Variants in PTPRF observed in about 807,000 individuals in gnomAD.
The protein encoded by PTPRF is protein tyrosine phosphatase receptor type F.
In PTPRF, 59 loss-of-function variants were observed where a neutral mutation model predicts 201.8. That is an observed-to-expected ratio of 0.29 (90% CI 0.24 to 0.36). PTPRF has a LOEUF of 0.36. Ranked by LOEUF, PTPRF falls within the 10% of genes least tolerant of loss-of-function variation. The probability of loss-of-function intolerance (pLI) is 1.00; values close to 1 mark genes in which losing one functional copy is unlikely to be tolerated. For missense variants in PTPRF, 2,132 were observed against 2,690.5 expected (o/e 0.79, Z 4.59); for synonymous variants, 1,088 against 1,089.7 (o/e 1.00, Z 0.03).
intron 3 of PTPRF, among the ~76,000 whole-genome samples, chr1:43,550,303 TCTC>T (rs879628097): frequency 1.3e-5 from 2 of 152,114 alleles, no homozygotes; most frequent in Non-Finnish European, 2.9e-5. Flanking sequence ...CACACCTGGC[TCTC>T]CTCCCCGGCG....
chr1:43,579,027 G>C, intron 7 of PTPRF, 107 bp downstream of exon 7: 1 of 990,810 alleles, frequency 1.0e-6, no homozygotes, highest in East Asian at 2.5e-5. Context: ...ACTGCCATGG[G>C]CCCAGTCTCT....
intron 5 of PTPRF, among the ~76,000 whole-genome samples, chr1:43,564,266 G>A (rs1646004183): frequency 6.6e-6 from 1 of 152,158 alleles, no homozygotes; most frequent in African/African-American, 2.4e-5. Flanking sequence ...TCGACTTTTG[G>A]AAGGCGTCTG....
chr1:43,621,341 C>T (rs981706663), intron 33 of PTPRF, 109 bp downstream of exon 33: 126 of 1,428,004 alleles, frequency 8.8e-5, no homozygotes, highest in South Asian at 3.6e-4. Context: ...ATTCATGCTG[C>T]CAACCTTTCA....
At chr1:43,563,067 A>G (rs1270162021) in intron 5 of PTPRF, among the ~76,000 whole-genome samples, 1 of 151,404 alleles carries the variant, frequency 6.6e-6, no homozygotes, top group Non-Finnish European at 1.5e-5. Flanking sequence ...AATCCCAGCT[A>G]CTCTGGAGGC....
chr1:43,550,863 TGAATGGAAGTTA>T (rs1048716597), intron 3 of PTPRF, among the ~76,000 whole-genome samples: 6 of 151,806 alleles, frequency 4.0e-5, no homozygotes, highest in African/African-American at 1.5e-4. Flanking sequence ...AGCAGAAGGA[TGAATGGAAGTTA>T]GAGTGTATGG....
chr1:43,526,177 A>G (rs11576774), upstream of PTPRF, among the ~76,000 whole-genome samples: 51,537 of 151,908 alleles, frequency 0.34, 8,921 homozygotes, highest in East Asian at 0.49. Flanking sequence ...GTAGTGGGAG[A>G]TGAGGGAGTC....
upstream of PTPRF, among the ~76,000 whole-genome samples, chr1:43,527,761 C>T (rs1227440225): frequency 2.0e-5 from 3 of 152,186 alleles, no homozygotes; most frequent in East Asian, 5.8e-4. Context: ...AGCTTCAGGA[C>T]TACCAAGGCC....
intron 5 of PTPRF, among the ~76,000 whole-genome samples, chr1:43,565,896 C>A (rs1444809736): frequency 1.3e-5 from 2 of 152,222 alleles, no homozygotes; most frequent in Non-Finnish European, 2.9e-5. Context: ...CCCGCCGCTC[C>A]ACCGTCGCCA....
intron 21 of PTPRF, 61 bp from the exon 22 acceptor site, chr1:43,609,322 C>A: frequency 7.2e-7 from 1 of 1,383,210 alleles, no homozygotes; most frequent in Non-Finnish European, 1.0e-6. Context: ...CCAGCCATGC[C>A]ATGTGTCACT....
chr1:43,598,863 G>A lies in PTPRF; in HGVS notation c.2263G>A (p.Glu755Lys), dbSNP rs201114915. 1.1e-4 allele frequency: 172 copies of A among 1,614,142 alleles called. No homozygotes were observed. The highest frequency in any genetic ancestry group is 1.3e-4 in the Non-Finnish European group (158 of 1,180,018). Residue 755 changes from glutamate to lysine, a missense_variant, in exon 13 of 34, where the codon GAG becomes AAG. By Grantham distance (56) the Glu-to-Lys change is moderately conservative. Coordinates refer to ENST00000359947, the MANE Select transcript of PTPRF (RefSeq NM_002840.5). ...CACCTACGTGCGGCTGGAGAATGGC[G>A]AGCCCCGTGGACTCCCCATCATCCA... ...QVTYVRLENG[E>K]PRGLPIIQDV... is the part of the protein sequence containing the mutation.
intron 23 of PTPRF, 60 bp from the exon 24 acceptor site, chr1:43,617,385 G>T: frequency 6.2e-7 from 1 of 1,606,228 alleles, no homozygotes; most frequent in Middle Eastern, 1.8e-4. Flanking sequence ...GTCCCCTGCA[G>T]GAGAAGCAGG....
chr1:43,566,122 G>C (rs11586016), intron 5 of PTPRF, among the ~76,000 whole-genome samples: 51,584 of 152,050 alleles, frequency 0.34, 8,891 homozygotes, highest in Middle Eastern at 0.39. Flanking sequence ...AGCCTGAGCC[G>C]TGCCGGCCGA....
At chr1:43,591,685 A>T in intron 9 of PTPRF, 127 bp from the exon 10 acceptor site, 3 of 1,446,756 alleles carry the variant, frequency 2.1e-6, no homozygotes, top group Non-Finnish European at 1.9e-6. Context: ...TATTCCATAG[A>T]TGTGTGGTCA....
chr1:43,606,912 C>A lies in PTPRF; in HGVS notation c.3801C>A (p.Pro1267=), dbSNP rs369429032. 5 of 1,614,168 alleles carry A rather than the reference C, an allele frequency of 3.1e-6. No homozygotes were observed. Among genetic ancestry groups the A allele is most frequent in the Non-Finnish European group, 4.2e-6 (5 of 1,180,028 alleles). ...EEPEMLWVTG[P]VLAVILIILI... is the part of the protein sequence containing the mutation. ...CGGAGATGCTGTGGGTGACGGGTCC[C>A]GTGCTGGCAGTCATCCTCATCATCC... The change falls in exon 21 of 34, where the codon CCC becomes CCA. Residue 1267 remains proline, a synonymous_variant. Coordinates refer to ENST00000359947, the MANE Select transcript of PTPRF (RefSeq NM_002840.5).
chr1:43,568,527 C>G (rs1474290597), intron 5 of PTPRF, among the ~76,000 whole-genome samples: 1 of 152,210 alleles, frequency 6.6e-6, no homozygotes, highest in Non-Finnish European at 1.5e-5. Context: ...GTAGCCTTAC[C>G]ATCAAGGTGG....
chr1:43,613,605 C>T lies in PTPRF; in HGVS notation c.3974-13C>T, dbSNP rs1355735350. 6 of 1,608,802 alleles carry T rather than the reference C, an allele frequency of 3.7e-6. No individual in the cohort carries two copies. The highest frequency in any genetic ancestry group is 1.3e-5 in the African/African-American group (1 of 74,816). ...CACACTAATGCTGCCTGTGTATGCC[C>T]TACCTCCCCTAGGTATGCGAGACCA... On this transcript the variant is annotated splice_polypyrimidine_tract_variant and intron_variant, in intron 22 of 33. Transcript: ENST00000359947.
intron 8 of PTPRF, among the ~76,000 whole-genome samples, chr1:43,590,022 G>C (rs1460144664): frequency 1.3e-5 from 2 of 152,128 alleles, no homozygotes; most frequent in African/African-American, 4.8e-5. Context: ...CCTTCCAGTG[G>C]CTTCCCGTTG....
intron 7 of PTPRF, chr1:43,583,234 G>A (rs1265673213): frequency 1.7e-5 from 9 of 526,050 alleles, no homozygotes; most frequent in Non-Finnish European, 2.2e-5. Flanking sequence ...TTGGGCCGGC[G>A]GGCAGGCAGG....
intron 9 of PTPRF, 75 bp downstream of exon 9, chr1:43,591,628 C>T (rs1241215865): frequency 1.4e-6 from 2 of 1,465,284 alleles, no homozygotes; most frequent in Non-Finnish European, 1.8e-6. Context: ...GCCTTTCCCC[C>T]TCCCTCGGCT....
Sources: allele counts gnomAD v4.1 joint callset (sites outside exome capture counted in the v4.1 genomes callset), GRCh38; gene constraint gnomAD v4.1.1; transcripts MANE v1.5; gene names NCBI Gene and HGNC (gene_info 2026-07-23, HGNC 2026-07-21).